Variants in IGF2R observed in about 807,000 individuals in gnomAD.
The protein encoded by IGF2R is cation-independent mannose-6-phosphate receptor.
Under a neutral mutation model 270.6 loss-of-function variants are expected in IGF2R, and 91 were observed. The observed-to-expected ratio is 0.34, with a 90% confidence interval of 0.28 to 0.40. The LOEUF is 0.40. Ranked by LOEUF, IGF2R falls within the 10% of genes least tolerant of loss-of-function variation. The probability of loss-of-function intolerance (pLI) is 1.00; values close to 1 mark genes in which losing one functional copy is unlikely to be tolerated. For synonymous variants in IGF2R, 1,316 were observed against 1,258.9 expected (o/e 1.05, Z -0.96); for missense variants, 2,805 against 3,188.3 (o/e 0.88, Z 2.90).
chr6:160,034,492 G>A lies in IGF2R; in HGVS notation c.1285G>A (p.Val429Ile), dbSNP rs375890841. ...ECSSGFQRMS[V>I]INFECNKTAG... is the part of the protein sequence containing the mutation. ...CAGCTCAGGGTTTCAGCGGATGAGC[G>A]TCATAAACTTTGAGTGCAATAAAAC... The change falls in exon 10 of 48, where the codon GTC becomes ATC. Residue 429 changes from valine to isoleucine, a missense_variant. Val to Ile is a conservative substitution (Grantham distance 29). Transcript: ENST00000356956. 44 of 1,610,702 alleles carry A rather than the reference G, an allele frequency of 2.7e-5. No individual in the cohort carries two copies. Among genetic ancestry groups the A allele is most frequent in the Non-Finnish European group, 3.3e-5 (39 of 1,177,096 alleles).
intron 1 of IGF2R, among the ~76,000 whole-genome samples, chr6:159,980,105 C>G (rs553135821): frequency 4.6e-5 from 7 of 151,672 alleles, no homozygotes; most frequent in South Asian, 2.1e-4. Context: ...GGTGTGAACC[C>G]GGGAGGCGGA....
intron 47 of IGF2R, 103 bp from the exon 48 acceptor site, chr6:160,104,570 TC>T: frequency 8.1e-7 from 1 of 1,241,186 alleles, no homozygotes; most frequent in Non-Finnish European, 1.1e-6. Flanking sequence ...GGCCAGTTCT[TC>T]CCCAGCTCGT....
chr6:160,041,821 T>G (rs1461292480), intron 11 of IGF2R, among the ~76,000 whole-genome samples: 1 of 152,212 alleles, frequency 6.6e-6, no homozygotes, highest in Non-Finnish European at 1.5e-5. Flanking sequence ...CTGGCACATG[T>G]GTGCTAGTGA....
At chr6:160,038,656 A>T (rs1482411592) in intron 10 of IGF2R, among the ~76,000 whole-genome samples, 1 of 152,182 alleles carries the variant, frequency 6.6e-6, no homozygotes, top group Non-Finnish European at 1.5e-5. Flanking sequence ...GAGGCGCGTC[A>T]CTGTTGCTGT....
Position 160,001,326 on chromosome 6 carries a change from C to T in IGF2R, c.290-7684C>T, listed in dbSNP as rs560241193. Among the ~76,000 whole-genome samples, 5 of 151,766 alleles carry T rather than the reference C, an allele frequency of 3.3e-5. No individual in the cohort carries two copies. In the South Asian group the frequency reaches 1.0e-3, roughly 32 times the overall value. ...GTGACCCCTTATGAGAATCTAGTGC[C>T]TGATGATTTGTCAGTGTCTCCCATC... On this transcript the variant is annotated intron_variant, in intron 2 of 47. Transcript: ENST00000356956.
chr6:159,970,587 C>A (rs1783594812), intron 1 of IGF2R, among the ~76,000 whole-genome samples: 1 of 152,078 alleles, frequency 6.6e-6, no homozygotes, highest in Non-Finnish European at 1.5e-5. Flanking sequence ...TTTTTATGCT[C>A]CCTTTTTTGG....
At position 160,027,426 on chromosome 6, in the gene IGF2R, C is replaced by T. The variant is rs531725695; in HGVS notation, c.776+112C>T. 1.5e-5 allele frequency: 18 copies of T among 1,205,386 alleles called. No homozygotes were observed. The African/African-American group carries it at 1.8e-4, about 12-fold the overall frequency. 74.7% of individuals were successfully genotyped at this position (1,205,386 alleles called of 1,614,324 possible). ...GCAAGGCTTGGGATAGTCCCTGCAG[C>T]ATTGCTGCTTCACATGTACTTGTAA... On this transcript the variant is annotated intron_variant, in intron 6 of 47. Transcript: ENST00000356956.
At position 160,070,035 on chromosome 6, in the gene IGF2R, T is replaced by C. The variant is rs1206340507; in HGVS notation, c.4420T>C (p.Phe1474Leu). 1.2e-6 allele frequency: 2 copies of C among 1,614,250 alleles called. No homozygotes were observed. The highest frequency in any genetic ancestry group is 1.3e-5 in the African/African-American group (1 of 75,068). ...TCGGAAAAAGTCAACCACCATCCGATTCACCTGCAGCGAGAGCCAAGTGGT... is the reference window on the plus strand; with the variant it reads ...TCGGAAAAAGTCAACCACCATCCGACTCACCTGCAGCGAGAGCCAAGTGGT... ...GIRKKSTTIRFTCSESQVNSR... is the reference protein window; with the variant it reads ...GIRKKSTTIRLTCSESQVNSR... Residue 1474 changes from phenylalanine to leucine, a missense_variant, in exon 31 of 48, where the codon TTC becomes CTC. Phe to Leu is a conservative substitution (Grantham distance 22). Transcript: ENST00000356956.
Position 160,061,665 on chromosome 6 carries a change from C to G in IGF2R, c.3406+19C>G. On this transcript the variant is annotated intron_variant, in intron 24 of 47. Coordinates refer to ENST00000356956, the MANE Select transcript of IGF2R (RefSeq NM_000876.4). Reference sequence around the variant, plus strand: ...TGCCAGGGTGAGTTCTCCTTGGTCTCTTGATTGGCGTCTGTTCATTTTATT... The same window carrying G: ...TGCCAGGGTGAGTTCTCCTTGGTCTGTTGATTGGCGTCTGTTCATTTTATT... 1 of 1,614,032 alleles carries G rather than the reference C, an allele frequency of 6.2e-7. No homozygotes were observed. Among genetic ancestry groups the G allele is most frequent in the African/African-American group, 1.3e-5 (1 of 75,036 alleles).
At position 160,071,963 on chromosome 6, in the gene IGF2R, C is replaced by G; in HGVS notation, c.4497C>G (p.Ala1499=). ...TGGAGGACTGTGAGTACACCTTTGCCTGGCCCACAGCCACAGCCTGTCCCA... is the reference window on the plus strand; with the variant it reads ...TGGAGGACTGTGAGTACACCTTTGCGTGGCCCACAGCCACAGCCTGTCCCA... The part of the protein sequence containing the change: ...SAVEDCEYTF[A]WPTATACPMK... The change falls in exon 32 of 48, where the codon GCC becomes GCG. Residue 1499 remains alanine (A), a synonymous_variant. Transcript: ENST00000356956. The G allele has an allele frequency of 6.2e-7, 1 of 1,614,176 alleles. No individual in the cohort carries two copies. Among genetic ancestry groups the G allele is most frequent in the Non-Finnish European group, 8.5e-7 (1 of 1,180,012 alleles).
chr6:160,102,070 G>A lies in IGF2R; in HGVS notation c.6843-449G>A, dbSNP rs8191940. 5.9e-4 allele frequency among the ~76,000 whole-genome samples: 90 copies of A among 152,288 alleles called. 3 individuals are homozygous for A. In the East Asian group the frequency reaches 6.4e-3, roughly 11 times the overall value. On this transcript the variant is annotated intron_variant, in intron 45 of 47. Coordinates refer to ENST00000356956, the MANE Select transcript of IGF2R (RefSeq NM_000876.4). This position sits in a 1 kb window ranked among gnomAD's most constrained non-coding sequence, Gnocchi z 4.5. ...TTCTAAGGCCCCCTGGGCCCCTTTC[G>A]TGTGGAGATGGTGTCTCATGGTGGG... is the stretch of plus-strand genomic sequence containing the variant.
intron 2 of IGF2R, chr6:160,003,849 T>G (rs1417401737): frequency 6.6e-6 from 1 of 152,036 alleles, no homozygotes; most frequent in Middle Eastern, 3.2e-3. Flanking sequence ...TCAGGAGTAC[T>G]GGGGGCTCGG....
Position 159,969,137 on chromosome 6 carries a change from C to A in IGF2R, c.-110C>A. ...GCCGCGCTCACCTCGGGCTCCCGCT[C>A]CGTCTCCACCTCCGCCTTTGCCCTG... is the stretch of plus-strand genomic sequence containing the variant. On this transcript the variant is annotated 5_prime_UTR_variant, in exon 1 of 48. Coordinates refer to ENST00000356956, the MANE Select transcript of IGF2R (RefSeq NM_000876.4). 1.7e-6 allele frequency: 1 copy of A among 594,058 alleles called. No homozygotes were observed. Among genetic ancestry groups the A allele is most frequent in the Non-Finnish European group, 2.1e-6 (1 of 473,308 alleles). 36.8% of individuals were successfully genotyped at this position (594,058 alleles called of 1,614,324 possible). A position where few individuals can be genotyped will look rare whatever the true frequency, so the allele number is the denominator to read the frequency against.
In IGF2R at chr6:160,008,756, G is replaced by A. The variant is rs548680543; in HGVS notation, c.290-254G>A. ...AGCGGGAGTAGAGGTGGAGAAATGTGGACAGATTTGAGATGGGCGTATAGC... is the reference window on the plus strand; with the variant it reads ...AGCGGGAGTAGAGGTGGAGAAATGTAGACAGATTTGAGATGGGCGTATAGC... On this transcript the variant is annotated intron_variant, in intron 2 of 47. Transcript: ENST00000356956. 1.8e-4 allele frequency among the ~76,000 whole-genome samples: 27 copies of A among 152,154 alleles called. No individual in the cohort carries two copies. The South Asian group carries it at 3.3e-3, about 19-fold the overall frequency.
rs1362141489 is a variant in IGF2R, at chr6:160,080,116, T to G, written c.5687-13T>G. The G allele has an allele frequency of 6.2e-7, 1 of 1,613,806 alleles. No homozygotes were observed. The highest frequency in any genetic ancestry group is 8.5e-7 in the Non-Finnish European group (1 of 1,179,864). On this transcript the variant is annotated splice_polypyrimidine_tract_variant and intron_variant, in intron 38 of 47. Transcript: ENST00000356956. ...CACAGCTGCCACACTGATAATGTTC[T>G]TCTTCTTTCCAGAAACCGATGACGG...
At chr6:160,012,745 T>TTTTATATATATATATATATATA (rs1300346010) in intron 4 of IGF2R, among the ~76,000 whole-genome samples, 1 of 105,308 alleles carries the variant, frequency 9.5e-6, no homozygotes, top group African/African-American at 3.4e-5. Context: ...CCCGGCTAAT[T>TTTTATATATATATATATATATA]TATATATATA....
chr6:160,017,129 A>G (rs549889807), intron 4 of IGF2R, among the ~76,000 whole-genome samples: 79 of 152,364 alleles, frequency 5.2e-4, no homozygotes, highest in Admixed American at 3.4e-3. Context: ...CAGAATATCA[A>G]TCCAGGATAT....
chr6:159,976,452 T>C (rs547792846), intron 1 of IGF2R, among the ~76,000 whole-genome samples: 1 of 152,284 alleles, frequency 6.6e-6, no homozygotes, highest in East Asian at 1.9e-4. Context: ...TAGTGTTTTG[T>C]TTTTTCATCT....
At chr6:159,985,949 G>A (rs1783875496) in intron 1 of IGF2R, among the ~76,000 whole-genome samples, 1 of 152,204 alleles carries the variant, frequency 6.6e-6, no homozygotes, top group African/African-American at 2.4e-5. Context: ...TTGGAAAGAT[G>A]GTTTTGCATC....
Sources: gnomAD v4.1 joint callset for allele counts (sites outside exome capture counted in the v4.1 genomes callset) on GRCh38, gnomAD v4.1.1 for gene constraint, Gnocchi (gnomAD v3.1) non-coding constraint, MANE v1.5 for transcripts, NCBI Gene and HGNC (gene_info 2026-07-23, HGNC 2026-07-21) for gene names.